Variants in POLK observed in about 807,000 individuals in gnomAD.
The protein encoded by POLK is DNA polymerase kappa.
A neutral mutation model predicts 94.0 loss-of-function variants in POLK; 76 were observed. The observed-to-expected ratio is 0.81, with a 90% CI of 0.67 to 0.98. The LOEUF is 0.98. Among genes scored for constraint, POLK ranks in the 50% least tolerant of loss-of-function variants. POLK has a pLI of 0.00. For synonymous variants in POLK, 349 were observed against 325.4 expected (o/e 1.07, Z -0.78); for missense variants, 954 against 1,010.1 (o/e 0.94, Z 0.75).
chr5:75,531,546 G>A (rs557331382), intron 1 of POLK, among the ~76,000 whole-genome samples: 1 of 152,230 alleles, frequency 6.6e-6, no homozygotes, highest in African/African-American at 2.4e-5. Flanking sequence ...TGTAATCCCA[G>A]AAGTTTGGGA....
At chr5:75,587,041 A>T in exon 10 of POLK, 1 of 1,555,258 alleles carries the variant, frequency 6.4e-7, no homozygotes, top group Non-Finnish European at 8.8e-7. Flanking sequence ...GAGAGAGGAA[A>T]AGTATGAGCG....
At chr5:75,542,988 G>A (rs912549427) in intron 1 of POLK, among the ~76,000 whole-genome samples, 1 of 150,344 alleles carries the variant, frequency 6.7e-6, no homozygotes, top group Non-Finnish European at 1.5e-5. Context: ...TGGGATTACA[G>A]GTGTGAGCCA....
chr5:75,594,070 T>C, intron 12 of POLK, 21 bp downstream of exon 12: 1 of 1,536,194 alleles, frequency 6.5e-7, no homozygotes. Context: ...TTCATTTTTT[T>C]GTTTTTCCTT....
chr5:75,570,220 CAG>C (rs1771519111), intron 4 of POLK, among the ~76,000 whole-genome samples: 1 of 152,108 alleles, frequency 6.6e-6, no homozygotes, highest in Non-Finnish European at 1.5e-5. Flanking sequence ...AAAGAAAACT[CAG>C]AGAGATGTTT....
intron 9 of POLK, 119 bp from the exon 10 acceptor site, chr5:75,586,907 T>C (rs892811729): frequency 7.5e-6 from 5 of 665,568 alleles, no homozygotes; most frequent in East Asian, 2.9e-5. Context: ...TTTCATGATG[T>C]ATAAATTTTA....
At chr5:75,581,341 A>G (rs1333955713) in exon 7 of POLK, 3 of 1,613,942 alleles carry the variant, frequency 1.9e-6, no homozygotes, top group East Asian at 4.5e-5. Context: ...GAACAAAACA[A>G]TCCTCAAATA....
intron 11 of POLK, among the ~76,000 whole-genome samples, chr5:75,591,852 A>G (rs180830428): frequency 4.6e-5 from 7 of 152,350 alleles, no homozygotes; most frequent in Admixed American, 4.6e-4. Flanking sequence ...AAAGAGTATC[A>G]CAAAGAGGAA....
intron 5 of POLK, among the ~76,000 whole-genome samples, chr5:75,574,212 A>C (rs1355606206): frequency 6.6e-6 from 1 of 152,148 alleles, no homozygotes; most frequent in Non-Finnish European, 1.5e-5. Flanking sequence ...CATTTTATTT[A>C]TAACTTACAG....
intron 1 of POLK, among the ~76,000 whole-genome samples, chr5:75,542,504 T>G (rs1244812220): frequency 1.3e-5 from 2 of 151,918 alleles, no homozygotes; most frequent in Non-Finnish European, 2.9e-5. Context: ...ACTTTTTCCT[T>G]AGAATTCTTT....
At chr5:75,530,460 A>C (rs963299386) in intron 1 of POLK, among the ~76,000 whole-genome samples, 7 of 120,252 alleles carry the variant, frequency 5.8e-5, no homozygotes, top group Non-Finnish European at 9.5e-5. Flanking sequence ...GCTGGAGTGC[A>C]TTGGCATGAT....
the POLK span, among the ~76,000 whole-genome samples, chr5:75,608,370 T>A: frequency 6.6e-6 from 1 of 152,082 alleles, no homozygotes. Context: ...ATTTTTAAAT[T>A]TTTTGTGGAG....
intron 1 of POLK, among the ~76,000 whole-genome samples, chr5:75,537,061 C>T (rs973543621): frequency 2.6e-5 from 4 of 152,222 alleles, no homozygotes; most frequent in African/African-American, 9.6e-5. Flanking sequence ...CTGGCTGAAG[C>T]AGGACCACTG....
intron 3 of POLK, among the ~76,000 whole-genome samples, chr5:75,561,414 T>C (rs1446652025): frequency 6.6e-6 from 1 of 152,252 alleles, no homozygotes; most frequent in African/African-American, 2.4e-5. Context: ...TAGCTGTTTG[T>C]CAGATGGATA....
At chr5:75,593,713 C>T (rs193125446) in intron 11 of POLK, among the ~76,000 whole-genome samples, 165 bp from the exon 12 acceptor site, 132 of 152,140 alleles carry the variant, frequency 8.7e-4, no homozygotes, top group African/African-American at 3.0e-3. Flanking sequence ...TGTACTGGCA[C>T]GCACTTGTAA....
chr5:75,554,529 G>A (rs1324584915), intron 3 of POLK, among the ~76,000 whole-genome samples: 2 of 151,470 alleles, frequency 1.3e-5, no homozygotes, highest in Non-Finnish European at 2.9e-5. Context: ...AAGTTCAGGG[G>A]TACATGTGTA....
intron 1 of POLK, among the ~76,000 whole-genome samples, chr5:75,521,321 A>G (rs945500476): frequency 2.0e-5 from 3 of 152,090 alleles, no homozygotes; most frequent in African/African-American, 7.2e-5. Context: ...GTGTTTTAAA[A>G]TAGCCTGCCT....
intron 3 of POLK, among the ~76,000 whole-genome samples, chr5:75,556,423 G>A (rs77768634): frequency 0.082 from 12,467 of 152,208 alleles, 579 homozygotes; most frequent in South Asian, 0.12. Context: ...ACCTGTATCA[G>A]ATATGTCTTT....
chr5:75,516,958 G>A (rs1418952795), intron 1 of POLK, among the ~76,000 whole-genome samples: 2 of 152,266 alleles, frequency 1.3e-5, no homozygotes, highest in African/African-American at 2.4e-5. Flanking sequence ...GGTTGTAAAT[G>A]TGTGGATTTA....
chr5:75,583,215 T>C (rs1772292863), intron 7 of POLK, 78 bp from the exon 8 acceptor site: 2 of 1,098,122 alleles, frequency 1.8e-6, no homozygotes, highest in Admixed American at 5.3e-5. Flanking sequence ...ATTAACTTTT[T>C]TTTTCTGTTT....
Sources: gnomAD v4.1 joint callset for allele counts (sites outside exome capture counted in the v4.1 genomes callset) on GRCh38, gnomAD v4.1.1 for gene constraint, MANE v1.5 for transcripts, NCBI Gene and HGNC (gene_info 2026-07-23, HGNC 2026-07-21) for gene names.